The following CACNA2D3 variants were observed in gnomAD, a reference collection of about 807,000 sequenced individuals.
CACNA2D3 encodes calcium voltage-gated channel auxiliary subunit alpha2delta 3, also known as voltage-dependent calcium channel subunit alpha-2/delta-3.
A neutral mutation model predicts 160.6 loss-of-function variants in CACNA2D3; 60 were observed. That is an observed-to-expected ratio of 0.37 (90% CI 0.30 to 0.46). The LOEUF is 0.46. CACNA2D3 is among the 20% of genes least tolerant of loss of function. The pLI, the probability that CACNA2D3 is intolerant of heterozygous loss-of-function variation, is 1.00. For missense variants in CACNA2D3, 1,205 were observed against 1,365.0 expected (o/e 0.88, Z 1.85); for synonymous variants, 558 against 492.9 (o/e 1.13, Z -1.75).
At position 54,286,091 on chromosome 3, in the gene CACNA2D3, C is replaced by T. The variant is rs560755977; in HGVS notation, c.205-34351C>T. Among the ~76,000 whole-genome samples the T allele has an allele frequency of 5.9e-5, 9 of 152,190 alleles. No individual in the cohort carries two copies. In the East Asian group the frequency reaches 7.7e-4, roughly 13 times the overall value. ...AAAGCTGGATGGAGAATGACTTTGACGAGTTGAGAGAAGAAGGCTTCAGAC... is the reference window on the plus strand; with the variant it reads ...AAAGCTGGATGGAGAATGACTTTGATGAGTTGAGAGAAGAAGGCTTCAGAC... On this transcript the variant is annotated intron_variant, in intron 2 of 37. Transcript: ENST00000474759.
chr3:54,885,699 C>T, intron 23 of CACNA2D3, 113 bp downstream of exon 23: 1 of 722,562 alleles, frequency 1.4e-6, no homozygotes, highest in Non-Finnish European at 2.5e-6. Flanking sequence ...CAGAGATTAT[C>T]AGTCACATGA....
chr3:54,122,812 G>C lies in CACNA2D3; in HGVS notation c.99G>C (p.Ser33=). ...CCGCGCTGGGGGACGTGGTGCGCTC[G>C]GAGCAGCAGATACCGCTCTCCGTGT... ...LYAALGDVVR[S]EQQIPLSVVK... Residue 33 remains serine, a synonymous_variant, in exon 1 of 38, where the codon TCG becomes TCC. Coordinates refer to ENST00000474759, the MANE Select transcript of CACNA2D3 (RefSeq NM_018398.3). 1 of 1,232,370 alleles carries C rather than the reference G, an allele frequency of 8.1e-7. No individual in the cohort carries two copies. The highest frequency in any genetic ancestry group is 1.0e-6 in the Non-Finnish European group (1 of 982,544). The allele number at this position is 1,232,370 out of a possible 1,614,324, so 76.3% of individuals were successfully genotyped here. A position where few individuals can be genotyped will look rare whatever the true frequency, so the allele number is the denominator to read the frequency against.
At chr3:54,986,604 C>T (rs1002449250) in intron 30 of CACNA2D3, among the ~76,000 whole-genome samples, 3 of 152,174 alleles carry the variant, frequency 2.0e-5, no homozygotes, top group African/African-American at 7.2e-5. Flanking sequence ...ATATATGTGT[C>T]TTGCTACCTG....
At chr3:54,430,399 A>C (rs577744925) in intron 4 of CACNA2D3, among the ~76,000 whole-genome samples, 1 of 152,292 alleles carries the variant, frequency 6.6e-6, no homozygotes, top group East Asian at 1.9e-4. Context: ...GCTTGTTCAG[A>C]ATTCTCTATG....
chr3:55,030,847 T>C (rs193292841), intron 35 of CACNA2D3, among the ~76,000 whole-genome samples: 2 of 152,212 alleles, frequency 1.3e-5, no homozygotes, highest in African/African-American at 4.8e-5. Flanking sequence ...TAAGCAGTGT[T>C]TGGAGGGTTT....
intron 13 of CACNA2D3, among the ~76,000 whole-genome samples, chr3:54,792,305 C>T (rs1702773594): frequency 6.6e-6 from 1 of 152,112 alleles, no homozygotes; most frequent in Non-Finnish European, 1.5e-5. Flanking sequence ...CTTTGGTTCA[C>T]CTGTGGCATG....
In CACNA2D3 at chr3:54,951,082, A is replaced by T. The variant is rs1279934820; in HGVS notation, c.2450-17368A>T. On this transcript the variant is annotated intron_variant, in intron 27 of 37. Coordinates refer to ENST00000474759, the MANE Select transcript of CACNA2D3 (RefSeq NM_018398.3). ...CTTGTTTTCCTATATGCTGCCAAAA[A>T]AATCTACAGAACGCTCCAACTATAA... 2.0e-5 allele frequency among the ~76,000 whole-genome samples: 3 copies of T among 152,252 alleles called. No homozygotes were observed. In the East Asian group the frequency reaches 5.8e-4, roughly 29 times the overall value.
At position 54,887,961 on chromosome 3, in the gene CACNA2D3, G is replaced by A; in HGVS notation, c.2059G>A (p.Asp687Asn). 6.2e-7 allele frequency: 1 copy of A among 1,613,612 alleles called. No homozygotes were observed. The highest frequency in any genetic ancestry group is 8.5e-7 in the Non-Finnish European group (1 of 1,179,556). ...CTCTTGTCTGTCCCTCCCAACAGGT[G>A]ATAAAGAATTGATCCAAGAAGTCCT... ...LKGKEPLLQC[D>N]KELIQEVLFD... Residue 687 changes from aspartate to asparagine, a missense_variant and splice_region_variant, in exon 24 of 38, where the codon GAT (aspartate) becomes AAT (asparagine). Transcript: ENST00000474759.
intron 11 of CACNA2D3, among the ~76,000 whole-genome samples, chr3:54,647,809 A>G (rs1304408057): frequency 1.3e-5 from 2 of 152,238 alleles, no homozygotes; most frequent in South Asian, 2.1e-4. Flanking sequence ...ATGATTGCTT[A>G]TGCAATGTGT....
intron 2 of CACNA2D3, among the ~76,000 whole-genome samples, chr3:54,233,106 A>G (rs1054791729): frequency 2.0e-5 from 3 of 152,176 alleles, no homozygotes; most frequent in African/African-American, 7.2e-5. Flanking sequence ...AGAGGGAGGC[A>G]TTTGAGTAGA....
At chr3:54,405,155 A>G (rs568667299) in intron 4 of CACNA2D3, among the ~76,000 whole-genome samples, 35 of 151,986 alleles carry the variant, frequency 2.3e-4, no homozygotes, top group South Asian at 6.2e-4. Context: ...AGCAATATGT[A>G]TAGATCCAAT....
chr3:54,697,790 T>C (rs1487835719), intron 11 of CACNA2D3, among the ~76,000 whole-genome samples: 9 of 152,224 alleles, frequency 5.9e-5, no homozygotes, highest in Non-Finnish European at 1.3e-4. Flanking sequence ...AAGCTACTGC[T>C]GGGAAGAGGG....
chr3:54,422,112 G>T (rs1699844743), intron 4 of CACNA2D3, among the ~76,000 whole-genome samples: 1 of 152,206 alleles, frequency 6.6e-6, no homozygotes, highest in Non-Finnish European at 1.5e-5. Flanking sequence ...TCACTGGTTG[G>T]AGAAAACGAG....
intron 9 of CACNA2D3, among the ~76,000 whole-genome samples, chr3:54,607,244 C>A (rs1194754105): frequency 6.6e-6 from 1 of 152,114 alleles, no homozygotes; most frequent in Non-Finnish European, 1.5e-5. Context: ...TCTGTTTCTC[C>A]CCACCTCCTG....
chr3:54,376,629 G>A (rs2107553283), intron 3 of CACNA2D3, among the ~76,000 whole-genome samples: 1 of 152,300 alleles, frequency 6.6e-6, no homozygotes, highest in South Asian at 2.1e-4. Context: ...CAACTGAACT[G>A]TGTGAGAGTG....
At chr3:54,372,009 A>C (rs1376848498) in intron 3 of CACNA2D3, among the ~76,000 whole-genome samples, 1 of 152,222 alleles carries the variant, frequency 6.6e-6, no homozygotes, top group East Asian at 1.9e-4. Flanking sequence ...GAGTTATAAC[A>C]AATATTTATC....
chr3:54,209,547 G>A (rs1475832556), intron 2 of CACNA2D3, among the ~76,000 whole-genome samples: 4 of 152,186 alleles, frequency 2.6e-5, no homozygotes, highest in East Asian at 3.8e-4. Context: ...TGTTCCAAAC[G>A]TATGCTCCTT....
intron 2 of CACNA2D3, among the ~76,000 whole-genome samples, chr3:54,299,294 C>T (rs1703418502): frequency 6.6e-6 from 1 of 152,146 alleles, no homozygotes; most frequent in Non-Finnish European, 1.5e-5. Context: ...ACACCACACT[C>T]CTGGTCCAGG....
At chr3:54,795,126 G>A (rs554054671) in intron 13 of CACNA2D3, among the ~76,000 whole-genome samples, 10 of 151,698 alleles carry the variant, frequency 6.6e-5, no homozygotes, top group African/African-American at 2.4e-4. Context: ...TTCTATTGCT[G>A]TGTCTTCAGG....
Sources: allele counts gnomAD v4.1 joint callset (sites outside exome capture counted in the v4.1 genomes callset), GRCh38; gene constraint gnomAD v4.1.1; transcripts MANE v1.5; gene names NCBI Gene and HGNC (gene_info 2026-07-23, HGNC 2026-07-21).